ARHGAP18: variants seen among roughly 807,000 people sequenced by gnomAD.
ARHGAP18 encodes the protein rho GTPase-activating protein 18.
ARHGAP18 carries 67 observed loss-of-function variants against 86.2 expected under a neutral mutation model. That is an observed-to-expected ratio of 0.78 (90% CI 0.64 to 0.95). The LOEUF is 0.95. Ranked by LOEUF, ARHGAP18 falls within the 40% of genes least tolerant of loss-of-function variation. The pLI is 0.00. For missense variants in ARHGAP18, 691 were observed against 780.4 expected, an observed-to-expected ratio of 0.89 and a Z score of 1.37; for synonymous variants, 283 against 280.4, an observed-to-expected ratio of 1.01 and a Z score of -0.09.
At chr6:129,706,018 T>C (rs1247330296) in intron 1 of ARHGAP18, among the ~76,000 whole-genome samples, 1 of 152,166 alleles carries the variant, frequency 6.6e-6, no homozygotes, top group Non-Finnish European at 1.5e-5. Context: ...ATGAATGCCA[T>C]ACATTTATTC....
intron 1 of ARHGAP18, among the ~76,000 whole-genome samples, chr6:129,647,366 A>G (rs150208899): frequency 1.6e-4 from 24 of 152,094 alleles, no homozygotes; most frequent in African/African-American, 5.1e-4. Context: ...TCCAATTTCT[A>G]CCTTGTGTTC....
rs139546942 is a variant in ARHGAP18 at position 129,645,415 on chromosome 6, A to C, written c.114-3397T>G. ...ATCTGCTAGATGTAATGAAGTACAG[A>C]GCAGAAATATTTTATATTTCCAAAA... is the stretch of plus-strand genomic sequence containing the variant. On this transcript the variant is annotated intron_variant, in intron 1 of 14. Transcript: ENST00000368149. Among the ~76,000 whole-genome samples, 134 of 152,328 alleles carry C rather than the reference A, an allele frequency of 8.8e-4. 2 individuals are homozygous for C. The Middle Eastern group carries it at 0.01, about 12-fold the overall frequency.
intron 1 of ARHGAP18, among the ~76,000 whole-genome samples, chr6:129,666,390 T>G (rs1178695509): frequency 3.3e-5 from 5 of 152,250 alleles, no homozygotes; most frequent in Non-Finnish European, 7.3e-5. Flanking sequence ...TAATGGGGAT[T>G]GGCTTCAGGG....
At chr6:129,680,712 G>A (rs989343702) in intron 1 of ARHGAP18, among the ~76,000 whole-genome samples, 1 of 152,212 alleles carries the variant, frequency 6.6e-6, no homozygotes, top group African/African-American at 2.4e-5. Flanking sequence ...TTCCAGAACT[G>A]GAAGAGTAAC....
At chr6:129,580,440 T>A (rs1480770689) in intron 13 of ARHGAP18, among the ~76,000 whole-genome samples, 1 of 152,248 alleles carries the variant, frequency 6.6e-6, no homozygotes, top group Non-Finnish European at 1.5e-5. Context: ...ATTATTAATA[T>A]GATTATCCAC....
chr6:129,703,337 A>C (rs1270948156), intron 1 of ARHGAP18, among the ~76,000 whole-genome samples: 1 of 152,238 alleles, frequency 6.6e-6, no homozygotes, highest in Non-Finnish European at 1.5e-5. Context: ...ACACTTGTAG[A>C]AGTATGATAA....
intron 14 of ARHGAP18, among the ~76,000 whole-genome samples, chr6:129,579,465 A>G (rs1788243213): frequency 6.6e-6 from 1 of 152,160 alleles, no homozygotes; most frequent in South Asian, 2.1e-4. Context: ...TAATAATTTT[A>G]CCCTTACCAT....
chr6:129,602,225 T>TA, intron 10 of ARHGAP18, among the ~76,000 whole-genome samples: 2 of 152,310 alleles, frequency 1.3e-5, no homozygotes, highest in African/African-American at 4.8e-5. Flanking sequence ...TACTTAATCC[T>TA]AACTTGGAGA....
chr6:129,616,401 C>T (rs185213089), intron 6 of ARHGAP18, 98 bp from the exon 7 acceptor site: 2 of 941,752 alleles, frequency 2.1e-6, no homozygotes, highest in Admixed American at 4.9e-5. Flanking sequence ...GTCGATCAGA[C>T]AACTATTTAT....
rs35153109 is a variant in ARHGAP18 at position 129,668,362 on chromosome 6, T to TCACACACACACACA, written c.114-26358_114-26345dup. Among the ~76,000 whole-genome samples the TCACACACACACACA allele has an allele frequency of 4.1e-3, 567 of 137,802 alleles. 8 individuals carry two copies. The highest frequency in any genetic ancestry group is 0.012 in the African/African-American group (444 of 36,734). 90.4% of individuals were successfully genotyped at this position (137,802 alleles called of 152,430 possible). On this transcript the variant is annotated intron_variant, in intron 1 of 14. Coordinates refer to ENST00000368149, the MANE Select transcript of ARHGAP18 (RefSeq NM_033515.3). Reference sequence around the variant, plus strand: ...CCAAACCATCAATTTACCCAAATAATCACACACACACACACACACACACAC... The same window carrying TCACACACACACACA: ...CCAAACCATCAATTTACCCAAATAATCACACACACACACACACACACACACACACACACACACAC...
chr6:129,625,156 GATATATATT>G lies in ARHGAP18; in HGVS notation c.786+4188_786+4196del, dbSNP rs1562696420. ...TATGATATATATTATATATTATATA[GATATATATT>G]ATATATGATATATTATATATTATAT... On this transcript the variant is annotated intron_variant, in intron 5 of 14. Coordinates refer to ENST00000368149, the MANE Select transcript of ARHGAP18 (RefSeq NM_033515.3). 2.2e-3 allele frequency among the ~76,000 whole-genome samples: 12 copies of G among 5,538 alleles called. 1 individual carries two copies. Among genetic ancestry groups the G allele is most frequent in the South Asian group, 0.022 (2 of 90 alleles). The allele number at this position is 5,538 out of a possible 152,430, so 3.6% of individuals were successfully genotyped here. A position where few individuals can be genotyped will look rare whatever the true frequency, so the allele number is the denominator to read the frequency against.
chr6:129,641,033 T>C (rs1019483153), intron 2 of ARHGAP18, among the ~76,000 whole-genome samples: 1 of 152,192 alleles, frequency 6.6e-6, no homozygotes, highest in African/African-American at 2.4e-5. Flanking sequence ...ACAGAAATTA[T>C]GCACCAAATA....
In ARHGAP18 at chr6:129,662,002, G is replaced by T. The variant is rs556228134; in HGVS notation, c.114-19984C>A. 4 of 881,082 alleles carry T rather than the reference G, an allele frequency of 4.5e-6. No individual in the cohort carries two copies. The East Asian group carries it at 3.6e-4, about 80-fold the overall frequency. 54.6% of individuals were successfully genotyped at this position (881,082 alleles called of 1,614,324 possible). On this transcript the variant is annotated intron_variant, in intron 1 of 14. Coordinates refer to ENST00000368149, the MANE Select transcript of ARHGAP18 (RefSeq NM_033515.3). ...CACACACACACACACAGAACACAAAGCCCCTGAAACCAAGGGCCCCTCCCA... is the reference window on the plus strand; with the variant it reads ...CACACACACACACACAGAACACAAATCCCCTGAAACCAAGGGCCCCTCCCA...
chr6:129,622,448 C>A (rs958460933), intron 5 of ARHGAP18, among the ~76,000 whole-genome samples: 2 of 152,024 alleles, frequency 1.3e-5, no homozygotes, highest in Non-Finnish European at 2.9e-5. Context: ...TTTACAGAAT[C>A]CTGAAATATT....
intron 4 of ARHGAP18, among the ~76,000 whole-genome samples, chr6:129,633,453 G>T (rs1009021811): frequency 8.4e-6 from 1 of 119,006 alleles, no homozygotes; most frequent in South Asian, 2.6e-4. Context: ...AAAAAAAAAA[G>T]TTACTTTCTT....
chr6:129,661,604 G>T (rs1030385950), intron 1 of ARHGAP18, among the ~76,000 whole-genome samples: 2 of 151,754 alleles, frequency 1.3e-5, no homozygotes, highest in African/African-American at 2.4e-5. Context: ...CTGACTTCAG[G>T]CAAGTCATTT....
chr6:129,655,367 CAG>C (rs1773812156), intron 1 of ARHGAP18, among the ~76,000 whole-genome samples: 1 of 119,534 alleles, frequency 8.4e-6, no homozygotes, highest in Non-Finnish European at 1.9e-5. Context: ...GAAAAGAAAA[CAG>C]AGCCTGTAGA....
chr6:129,593,369 G>A (rs902099243), intron 12 of ARHGAP18, among the ~76,000 whole-genome samples: 4 of 152,138 alleles, frequency 2.6e-5, no homozygotes, highest in African/African-American at 9.7e-5. Flanking sequence ...GCTGAGGTGG[G>A]AGGATCCCTT....
intron 11 of ARHGAP18, 73 bp from the exon 12 acceptor site, chr6:129,599,429 A>C (rs1361203108): frequency 8.0e-7 from 1 of 1,244,820 alleles, no homozygotes; most frequent in African/African-American, 1.6e-5. Context: ...AAAAAATTAT[A>C]TTTTTTTAAA....
Sources: allele counts gnomAD v4.1 joint callset (sites outside exome capture counted in the v4.1 genomes callset), GRCh38; gene constraint gnomAD v4.1.1; transcripts MANE v1.5; gene names NCBI Gene and HGNC (gene_info 2026-07-23, HGNC 2026-07-21).